NKAIN3: variants seen among roughly 807,000 people sequenced by gnomAD.
NKAIN3 encodes sodium/potassium transporting ATPase interacting 3, also known as sodium/potassium-transporting ATPase subunit beta-1-interacting protein 3.
In NKAIN3, 25 loss-of-function variants were observed where a neutral mutation model predicts 30.2. The observed-to-expected ratio is 0.83, with a 90% CI of 0.60 to 1.16. The LOEUF is 1.16. Among genes scored for constraint, NKAIN3 ranks in the 50% most tolerant of loss-of-function variants. The pLI is 0.00. For synonymous variants in NKAIN3, 91 were observed against 89.6 expected, an observed-to-expected ratio of 1.02 and a Z score of -0.09; for missense variants, 225 against 254.1, an observed-to-expected ratio of 0.89 and a Z score of 0.78.
At chr8:62,281,271 C>T (rs927204831) in intron 1 of NKAIN3, among the ~76,000 whole-genome samples, 6 of 152,068 alleles carry the variant, frequency 3.9e-5, no homozygotes, top group African/African-American at 1.4e-4. Context: ...CTCTTTTCTT[C>T]TTTATTAGTC....
chr8:62,810,636 A>G (rs1818456127), intron 4 of NKAIN3, among the ~76,000 whole-genome samples: 1 of 95,788 alleles, frequency 1.0e-5, no homozygotes. Context: ...TGTAGGTAGA[A>G]AGTTTTTTTT....
intron 3 of NKAIN3, among the ~76,000 whole-genome samples, chr8:62,689,289 T>G (rs1051282620): frequency 2.0e-5 from 3 of 152,298 alleles, no homozygotes; most frequent in East Asian, 3.9e-4. Context: ...ATGCTTACTC[T>G]GTCTAGCTGC....
chr8:62,769,182 C>A (rs1422980014), intron 4 of NKAIN3, among the ~76,000 whole-genome samples: 1 of 152,092 alleles, frequency 6.6e-6, no homozygotes, highest in Non-Finnish European at 1.5e-5. Flanking sequence ...CTATGGAAAA[C>A]TTTTTATTGC....
At chr8:62,875,494 A>G (rs1011682310) in intron 4 of NKAIN3, among the ~76,000 whole-genome samples, 3 of 152,134 alleles carry the variant, frequency 2.0e-5, no homozygotes, top group African/African-American at 7.2e-5. Context: ...TTTCATATGG[A>G]ATCAAACACC....
chr8:62,462,110 C>A (rs527516337), intron 1 of NKAIN3, among the ~76,000 whole-genome samples: 1 of 151,998 alleles, frequency 6.6e-6, no homozygotes, highest in Non-Finnish European at 1.5e-5. Context: ...GGACAAAGAG[C>A]GTGGGCAGGT....
chr8:62,278,986 G>A (rs1344532398), intron 1 of NKAIN3, among the ~76,000 whole-genome samples: 1 of 152,148 alleles, frequency 6.6e-6, no homozygotes, highest in Non-Finnish European at 1.5e-5. Context: ...CTAGTTTACA[G>A]TCCCACCAAC....
At chr8:62,592,275 A>G (rs533930988) in intron 3 of NKAIN3, among the ~76,000 whole-genome samples, 231 of 152,168 alleles carry the variant, frequency 1.5e-3, no homozygotes, top group African/African-American at 5.0e-3. Flanking sequence ...ATGGGCAGGA[A>G]AGCCTGGAAA....
intron 3 of NKAIN3, among the ~76,000 whole-genome samples, chr8:62,636,517 G>A (rs1169338642): frequency 6.6e-6 from 1 of 152,152 alleles, no homozygotes; most frequent in African/African-American, 2.4e-5. Flanking sequence ...GTAGTAAAGA[G>A]CATATTTTAA....
intron 3 of NKAIN3, among the ~76,000 whole-genome samples, chr8:62,592,908 TC>T (rs1352436207): frequency 6.6e-6 from 1 of 151,806 alleles, no homozygotes; most frequent in Non-Finnish European, 1.5e-5. Flanking sequence ...ACAAAATAAT[TC>T]AAAACTACAC....
intron 4 of NKAIN3, among the ~76,000 whole-genome samples, chr8:62,808,609 C>CATG (rs1477174733): frequency 1.3e-5 from 2 of 151,954 alleles, no homozygotes; most frequent in Admixed American, 1.3e-4. Flanking sequence ...CAGCAGGTTC[C>CATG]ATGATGCCCC....
intron 4 of NKAIN3, among the ~76,000 whole-genome samples, chr8:62,865,815 C>G (rs538867861): frequency 2.6e-5 from 4 of 152,248 alleles, no homozygotes; most frequent in African/African-American, 9.6e-5. Flanking sequence ...ATGTTACTTT[C>G]CATTAAACAT....
At chr8:62,690,103 T>G (rs774114105) in intron 3 of NKAIN3, among the ~76,000 whole-genome samples, 6 of 152,176 alleles carry the variant, frequency 3.9e-5, no homozygotes, top group Non-Finnish European at 7.4e-5. Context: ...TGAATTAGCT[T>G]GCTTCAGAAG....
chr8:62,362,048 C>T (rs1282927197), intron 1 of NKAIN3, among the ~76,000 whole-genome samples: 1 of 152,186 alleles, frequency 6.6e-6, no homozygotes, highest in Non-Finnish European at 1.5e-5. Context: ...ACTGGTCTTA[C>T]TGGATGGTTT....
At chr8:62,663,315 A>G (rs922273939) in intron 3 of NKAIN3, among the ~76,000 whole-genome samples, 3 of 152,232 alleles carry the variant, frequency 2.0e-5, no homozygotes, top group Non-Finnish European at 4.4e-5. Context: ...TTGAAGCAGG[A>G]AAGATACTTA....
chr8:62,280,047 C>T (rs1469923693), intron 1 of NKAIN3, among the ~76,000 whole-genome samples: 3 of 152,222 alleles, frequency 2.0e-5, no homozygotes, highest in Middle Eastern at 3.4e-3. Flanking sequence ...TCTTTTATTT[C>T]GTGGAGCAGT....
At chr8:62,610,509 A>C (rs1268689711) in intron 3 of NKAIN3, among the ~76,000 whole-genome samples, 6 of 152,086 alleles carry the variant, frequency 3.9e-5, no homozygotes, top group African/African-American at 1.4e-4. Flanking sequence ...CAGAATCTTT[A>C]ATTCTGTCTC....
intron 4 of NKAIN3, among the ~76,000 whole-genome samples, chr8:62,810,352 A>G (rs1279039250): frequency 6.6e-6 from 1 of 152,080 alleles, no homozygotes; most frequent in Non-Finnish European, 1.5e-5. Context: ...TTGGAGGAGT[A>G]GGTCATTTCT....
At chr8:62,856,115 C>T in intron 4 of NKAIN3, 2 of 715,152 alleles carry the variant, frequency 2.8e-6, no homozygotes, top group Non-Finnish European at 5.2e-6. Flanking sequence ...CTTCTGTTTC[C>T]CCTTTCTCCA....
chr8:62,767,374 C>T (rs1816873750), intron 4 of NKAIN3, among the ~76,000 whole-genome samples: 1 of 152,102 alleles, frequency 6.6e-6, no homozygotes, highest in African/African-American at 2.4e-5. Flanking sequence ...GGAGGGCATA[C>T]ACCTGAAGAG....
Sources: allele counts gnomAD v4.1 joint callset (sites outside exome capture counted in the v4.1 genomes callset), GRCh38; gene constraint gnomAD v4.1.1; transcripts MANE v1.5; gene names NCBI Gene and HGNC (gene_info 2026-07-23, HGNC 2026-07-21).